Variants in SCN2A observed in about 807,000 individuals in gnomAD.
SCN2A encodes the protein sodium channel protein type 2 subunit alpha.
A neutral mutation model predicts 188.7 loss-of-function variants in SCN2A; 20 were observed. That is an observed-to-expected ratio of 0.11 (90% CI 0.07 to 0.15). SCN2A has a LOEUF of 0.15. SCN2A is among the 10% of genes least tolerant of loss of function. SCN2A has a pLI of 1.00. For missense variants in SCN2A, 1,278 were observed against 2,445.0 expected, an observed-to-expected ratio of 0.52 and a Z score of 10.07; for synonymous variants, 804 against 833.1, an observed-to-expected ratio of 0.97 and a Z score of 0.60.
chr2:165,298,687 GA>G lies in SCN2A; in HGVS notation c.386+1553del, dbSNP rs576106845. Among the ~76,000 whole-genome samples the G allele has an allele frequency of 1.4e-3, 206 of 152,208 alleles. 2 individuals are homozygous for G. Among genetic ancestry groups the G allele is most frequent in the African/African-American group, 4.8e-3 (201 of 41,538 alleles). On this transcript the variant is annotated intron_variant, in intron 3 of 26. Coordinates refer to ENST00000375437, the MANE Select transcript of SCN2A (RefSeq NM_001040142.2). ...GTTGGAATTTATATTTGGGTCTCAT[GA>G]TTATAAATTATGATCTATTATTATG... is the stretch of plus-strand genomic sequence containing the variant.
Position 165,367,084 on chromosome 2 carries a change from C to T in SCN2A, c.3521-133C>T, listed in dbSNP as rs144784335. 2,103 of 810,520 alleles carry T rather than the reference C, an allele frequency of 2.6e-3. 7 individuals carry two copies. Among genetic ancestry groups the T allele is most frequent in the East Asian group, 9.4e-3 (350 of 37,268 alleles). The allele number at this position is 810,520 out of a possible 1,614,324, so 50.2% of individuals were successfully genotyped here. The stretch of plus-strand genomic sequence containing the variant: ...ATGATTTTAAGATAGCTTTTGTAAG[C>T]GGAAGCTATCTTAAAAATTAATGTT... On this transcript the variant is annotated intron_variant, in intron 18 of 26. Transcript: ENST00000375437.
intron 14 of SCN2A, among the ~76,000 whole-genome samples, chr2:165,338,101 CTTT>C (rs984904573): frequency 6.6e-6 from 1 of 152,100 alleles, no homozygotes; most frequent in African/African-American, 2.4e-5. Flanking sequence ...TTGTTCCCTT[CTTT>C]GTGTTCCTGT....
At chr2:165,322,570 G>T (rs1308405257) in intron 11 of SCN2A, among the ~76,000 whole-genome samples, 1 of 152,212 alleles carries the variant, frequency 6.6e-6, no homozygotes, top group Non-Finnish European at 1.5e-5. Flanking sequence ...ATTTCAGCTT[G>T]ATTTAATTTA....
intron 19 of SCN2A, among the ~76,000 whole-genome samples, chr2:165,369,784 G>C (rs1291522333): frequency 6.6e-6 from 1 of 152,182 alleles, no homozygotes; most frequent in Non-Finnish European, 1.5e-5. Context: ...ACTAGAGGAT[G>C]CATTCCATTG....
chr2:165,369,830 G>A (rs1442651953), intron 19 of SCN2A, among the ~76,000 whole-genome samples: 3 of 152,118 alleles, frequency 2.0e-5, no homozygotes, highest in South Asian at 2.1e-4. Flanking sequence ...ACTCCCAGGC[G>A]TTCCACTGCC....
At chr2:165,350,926 G>A (rs958752858) in intron 16 of SCN2A, among the ~76,000 whole-genome samples, 4 of 152,192 alleles carry the variant, frequency 2.6e-5, no homozygotes, top group Non-Finnish European at 4.4e-5. Context: ...TAGTGTTGTG[G>A]AGGATAAGTT....
chr2:165,245,026 C>T (rs541644654), intron 1 of SCN2A, among the ~76,000 whole-genome samples: 48 of 152,146 alleles, frequency 3.2e-4, no homozygotes, highest in African/African-American at 1.1e-3. Context: ...TGACACTATC[C>T]CTCTTCTCTG....
Position 165,365,135 on chromosome 2 carries a change from A to G in SCN2A, c.3400-8A>G. ...TTAAATGTGTTTTTTTGTGGGATTG[A>G]TTTTCAGAAGCTAAATGCAACTAGT... On this transcript the variant is annotated splice_region_variant and splice_polypyrimidine_tract_variant and intron_variant, in intron 17 of 26. Transcript: ENST00000375437. The G allele has an allele frequency of 6.2e-7, 1 of 1,612,030 alleles. No homozygotes were observed. The highest frequency in any genetic ancestry group is 1.3e-5 in the African/African-American group (1 of 74,942).
At position 165,280,807 on chromosome 2, in the gene SCN2A, C is replaced by T. The variant is rs151253683; in HGVS notation, c.-51-14966C>T. ...ATTGATCCTAGGAGTACCTCCTTAA[C>T]TAATCACTTTCCCATTAAGCCACAT... On this transcript the variant is annotated intron_variant, in intron 1 of 26. Transcript: ENST00000375437. 4.0e-4 allele frequency among the ~76,000 whole-genome samples: 61 copies of T among 152,296 alleles called. No homozygotes were observed. The East Asian group carries it at 0.012, about 29-fold the overall frequency.
intron 1 of SCN2A, among the ~76,000 whole-genome samples, chr2:165,278,638 G>A (rs1366035943): frequency 1.3e-5 from 2 of 152,158 alleles, no homozygotes; most frequent in Non-Finnish European, 2.9e-5. Flanking sequence ...TAAGAGGGAA[G>A]ACTAGAAAGG....
chr2:165,274,262 A>T (rs1306752188), intron 1 of SCN2A: 3 of 150,700 alleles, frequency 2.0e-5, no homozygotes, highest in African/African-American at 4.9e-5. Context: ...CACAAAAAAA[A>T]TGGTTTACTT....
At chr2:165,305,646 T>C (rs1697081899) in intron 3 of SCN2A, among the ~76,000 whole-genome samples, 1 of 152,230 alleles carries the variant, frequency 6.6e-6, no homozygotes, top group African/African-American at 2.4e-5. Context: ...GGAACCATCC[T>C]TGTTGAATGC....
intron 20 of SCN2A, chr2:165,372,838 A>G (rs1701111884): frequency 4.7e-6 from 1 of 213,306 alleles, no homozygotes; most frequent in Non-Finnish European, 9.5e-6. Flanking sequence ...TCTGCTCAAT[A>G]TTATTAGAAA....
chr2:165,261,541 C>G (rs575017817), intron 1 of SCN2A, among the ~76,000 whole-genome samples: 1 of 152,336 alleles, frequency 6.6e-6, no homozygotes, highest in Admixed American at 6.5e-5. Flanking sequence ...GCTCTATTAA[C>G]TTTATCTGTC....
intron 1 of SCN2A, among the ~76,000 whole-genome samples, chr2:165,286,544 G>A (rs780212651): frequency 6.6e-5 from 10 of 152,144 alleles, no homozygotes; most frequent in Non-Finnish European, 1.3e-4. Flanking sequence ...TGGAAGGAAG[G>A]GCCAGACATC....
chr2:165,303,014 G>C (rs1696907187), intron 3 of SCN2A, among the ~76,000 whole-genome samples: 1 of 152,042 alleles, frequency 6.6e-6, no homozygotes, highest in Admixed American at 6.6e-5. Flanking sequence ...AGGTTTATCT[G>C]CCTCTATTTT....
chr2:165,367,670 G>A (rs1050669551), intron 19 of SCN2A, among the ~76,000 whole-genome samples: 2 of 152,228 alleles, frequency 1.3e-5, no homozygotes, highest in East Asian at 3.9e-4. Context: ...ATGTAGACAT[G>A]ATGTAGGATT....
chr2:165,387,064 A>G lies in SCN2A; in HGVS notation c.4822+48A>G, dbSNP rs6724440. 7.6e-3 allele frequency: 12,016 copies of G among 1,577,078 alleles called. 727 individuals carry two copies. In the African/African-American group the frequency reaches 0.14, roughly 18 times the overall value. The stretch of plus-strand genomic sequence containing the variant: ...AGTTAAGGAATATAGTGGTAAAAAT[A>G]TGTGTTTTAAAACTTTAGAGGTGTT... On this transcript the variant is annotated intron_variant, in intron 26 of 26. Transcript: ENST00000375437.
At chr2:165,371,747 G>A in intron 20 of SCN2A, 1 of 152,178 alleles carries the variant, frequency 6.6e-6, no homozygotes, top group East Asian at 1.9e-4. Flanking sequence ...ATTTAATACA[G>A]AGGAAGCTAT....
Sources: allele counts gnomAD v4.1 joint callset (sites outside exome capture counted in the v4.1 genomes callset), GRCh38; gene constraint gnomAD v4.1.1; transcripts MANE v1.5; gene names NCBI Gene and HGNC (gene_info 2026-07-23, HGNC 2026-07-21).